TSC22D1: variants seen among roughly 807,000 people sequenced by gnomAD.
The protein encoded by TSC22D1 is TSC22 domain family protein 1.
TSC22D1 carries 9 observed loss-of-function variants against 74.2 expected under a neutral mutation model. The ratio of observed to expected loss-of-function variants is 0.12; its 90% CI spans 0.07 to 0.21. TSC22D1 has a LOEUF of 0.21. Ranked by LOEUF, TSC22D1 falls within the 10% of genes least tolerant of loss-of-function variation. The pLI is 1.00. For synonymous variants in TSC22D1, 586 were observed against 492.5 expected (o/e 1.19, Z -2.51); for missense variants, 1,427 against 1,304.7 (o/e 1.09, Z -1.44).
chr13:44,491,036 C>CAT (rs1247040557), intron 1 of TSC22D1, among the ~76,000 whole-genome samples: 1 of 151,972 alleles, frequency 6.6e-6, no homozygotes, highest in Non-Finnish European at 1.5e-5. Flanking sequence ...CCTGGTGGCA[C>CAT]ATGCCTGTGG....
intron 1 of TSC22D1, chr13:44,474,096 C>T (rs919281744): frequency 1.3e-5 from 4 of 315,080 alleles, no homozygotes; most frequent in African/African-American, 2.2e-5. Context: ...TGAACTGAAC[C>T]TTATTTCACC....
intron 1 of TSC22D1, among the ~76,000 whole-genome samples, chr13:44,456,518 C>A (rs1210507718): frequency 6.6e-6 from 1 of 152,192 alleles, no homozygotes; most frequent in Non-Finnish European, 1.5e-5. Flanking sequence ...CGTTTCCAAT[C>A]CTTTACCTAG....
At chr13:44,489,236 T>C (rs562148131) in intron 1 of TSC22D1, among the ~76,000 whole-genome samples, 3 of 148,334 alleles carry the variant, frequency 2.0e-5, no homozygotes, top group Admixed American at 6.7e-5. Context: ...AGAAGAATTA[T>C]AGCTCTAACT....
intron 1 of TSC22D1, among the ~76,000 whole-genome samples, chr13:44,518,077 C>A (rs1880140062): frequency 6.8e-6 from 1 of 147,894 alleles, no homozygotes. Flanking sequence ...TGGTCTCAAA[C>A]TCCTGGACTC....
chr13:44,560,610 A>C (rs938078807), intron 1 of TSC22D1, among the ~76,000 whole-genome samples: 5 of 152,212 alleles, frequency 3.3e-5, no homozygotes, highest in Non-Finnish European at 7.3e-5. Context: ...AAAGGTAAAA[A>C]AGTATGAAAC....
chr13:44,574,233 C>A lies in TSC22D1; in HGVS notation c.1842G>T (p.Val614=). The change falls in exon 1 of 3, where the codon GTG becomes GTT. Residue 614 remains valine, a synonymous_variant. Coordinates refer to ENST00000458659, the MANE Select transcript of TSC22D1 (RefSeq NM_183422.4). ...GTGGTGCCCCTGGAAGGGGAGTTTG[C>A]ACTGGAGGAGCCGCCTGAGAATATG... ...QLPYSQAAPP[V]QTPLPGAPPP... 6.2e-7 allele frequency: 1 copy of A among 1,614,210 alleles called. No homozygotes were observed. Among genetic ancestry groups the A allele is most frequent in the South Asian group, 1.1e-5 (1 of 91,088 alleles).
chr13:44,568,881 A>C (rs1883558443), intron 1 of TSC22D1, among the ~76,000 whole-genome samples: 1 of 152,190 alleles, frequency 6.6e-6, no homozygotes, highest in Non-Finnish European at 1.5e-5. Context: ...GGAGCAGGGA[A>C]GCAGCCACAA....
chr13:44,506,206 A>C (rs1010634496), intron 1 of TSC22D1, among the ~76,000 whole-genome samples: 1 of 152,232 alleles, frequency 6.6e-6, no homozygotes, highest in East Asian at 1.9e-4. Context: ...CATTCCATCA[A>C]GTAGAAATTT....
intron 1 of TSC22D1, among the ~76,000 whole-genome samples, chr13:44,515,197 A>G (rs941530795): frequency 3.3e-5 from 5 of 152,212 alleles, no homozygotes; most frequent in Non-Finnish European, 7.3e-5. Flanking sequence ...TACTCACTAC[A>G]GTATTATATT....
chr13:44,446,170 A>C (rs1044788983), intron 1 of TSC22D1, among the ~76,000 whole-genome samples: 3 of 152,238 alleles, frequency 2.0e-5, no homozygotes, highest in Non-Finnish European at 4.4e-5. Flanking sequence ...ATGCAATAAT[A>C]CTCAGCAATA....
intron 1 of TSC22D1, among the ~76,000 whole-genome samples, chr13:44,510,981 C>T (rs887036871): frequency 6.6e-6 from 1 of 151,984 alleles, no homozygotes; most frequent in African/African-American, 2.4e-5. Flanking sequence ...TTGTATATAC[C>T]AAGTATAATT....
At position 44,434,477 on chromosome 13, in the gene TSC22D1, C is replaced by G; in HGVS notation, c.*149G>C. 2 of 1,386,424 alleles carry G rather than the reference C, an allele frequency of 1.4e-6. No individual in the cohort carries two copies. Among genetic ancestry groups the G allele is most frequent in the Non-Finnish European group, 9.3e-7 (1 of 1,076,164 alleles). 85.9% of individuals were successfully genotyped at this position (1,386,424 alleles called of 1,614,324 possible). Reference sequence around the variant, plus strand: ...GCCATAAGCATATGAGTGTTTAATACTGGAAAAGAGATAATGGCATATGTC... The same window carrying G: ...GCCATAAGCATATGAGTGTTTAATAGTGGAAAAGAGATAATGGCATATGTC... On this transcript the variant is annotated 3_prime_UTR_variant, in exon 3 of 3. Coordinates refer to ENST00000458659, the MANE Select transcript of TSC22D1 (RefSeq NM_183422.4).
At chr13:44,490,140 A>G (rs1243200595) in intron 1 of TSC22D1, among the ~76,000 whole-genome samples, 2 of 152,372 alleles carry the variant, frequency 1.3e-5, no homozygotes, top group African/African-American at 2.4e-5. Flanking sequence ...CAAATAGTAT[A>G]TATCTATGAA....
At chr13:44,571,363 A>T (rs1366567898) in intron 1 of TSC22D1, among the ~76,000 whole-genome samples, 1 of 152,206 alleles carries the variant, frequency 6.6e-6, no homozygotes. Flanking sequence ...TCCTATAGTT[A>T]AAACTCTAGT....
At chr13:44,494,207 CTCT>C (rs1229812409) in intron 1 of TSC22D1, among the ~76,000 whole-genome samples, 1 of 151,674 alleles carries the variant, frequency 6.6e-6, no homozygotes, top group Non-Finnish European at 1.5e-5. Context: ...GAAACCCTGT[CTCT>C]ACTAAAAATA....
chr13:44,471,550 AACTTAT>A (rs1877606702), intron 1 of TSC22D1, among the ~76,000 whole-genome samples: 1 of 152,216 alleles, frequency 6.6e-6, no homozygotes, highest in South Asian at 2.1e-4. Context: ...ATCTTTACTA[AACTTAT>A]AATTTTTAGA....
intron 1 of TSC22D1, among the ~76,000 whole-genome samples, chr13:44,452,280 A>T (rs1876205986): frequency 6.6e-6 from 1 of 152,214 alleles, no homozygotes; most frequent in South Asian, 2.1e-4. Context: ...AACTACTCGA[A>T]AAAGGAAACT....
chr13:44,536,557 C>T (rs1051955246), intron 1 of TSC22D1, among the ~76,000 whole-genome samples: 3 of 151,840 alleles, frequency 2.0e-5, no homozygotes, highest in Non-Finnish European at 3.0e-5. Flanking sequence ...AAATACAAAA[C>T]ATTTTTCATT....
intron 1 of TSC22D1, chr13:44,539,967 T>G: frequency 7.9e-7 from 1 of 1,262,214 alleles, no homozygotes; most frequent in Non-Finnish European, 1.0e-6. Flanking sequence ...AAATTCTTAT[T>G]AAGAAATTAC....
Sources: gnomAD v4.1 joint callset for allele counts (sites outside exome capture counted in the v4.1 genomes callset) on GRCh38, gnomAD v4.1.1 for gene constraint, MANE v1.5 for transcripts, NCBI Gene and HGNC (gene_info 2026-07-23, HGNC 2026-07-21) for gene names.